EAF2: variants seen among roughly 807,000 people sequenced by gnomAD.
The protein encoded by EAF2 is ELL associated factor 2.
A neutral mutation model predicts 29.4 loss-of-function variants in EAF2; 29 were observed. The observed-to-expected ratio is 0.99, with a 90% CI of 0.73 to 1.35. The LOEUF is 1.35. Among genes scored for constraint, EAF2 ranks in the 40% most tolerant of loss-of-function variants. EAF2 has a pLI of 0.00. For synonymous variants in EAF2, 103 were observed against 102.5 expected, an observed-to-expected ratio of 1.00 and a Z score of -0.03; for missense variants, 292 against 312.0, an observed-to-expected ratio of 0.94 and a Z score of 0.48.
chr3:121,836,227 T>C (rs1708277107), intron 1 of EAF2: 2 of 152,238 alleles, frequency 1.3e-5, no homozygotes, highest in African/African-American at 4.8e-5. Flanking sequence ...ATCACTGAAT[T>C]ATAACTTCTC....
intron 4 of EAF2, among the ~76,000 whole-genome samples, chr3:121,868,273 G>A (rs1049602250): frequency 6.6e-6 from 1 of 152,080 alleles, no homozygotes; most frequent in African/African-American, 2.4e-5. Flanking sequence ...GCACAAACAT[G>A]TGACCATATT....
intron 4 of EAF2, among the ~76,000 whole-genome samples, chr3:121,865,722 C>G (rs954056651): frequency 6.6e-6 from 1 of 152,046 alleles, no homozygotes; most frequent in Non-Finnish European, 1.5e-5. Flanking sequence ...ACTCCCCTAC[C>G]CGGAGACAAC....
chr3:121,873,786 C>T (rs1172067156), intron 5 of EAF2, among the ~76,000 whole-genome samples: 2 of 150,844 alleles, frequency 1.3e-5, no homozygotes, highest in Non-Finnish European at 3.0e-5. Context: ...CAGCCAGAAA[C>T]ACTTTCTTCT....
Position 121,843,982 on chromosome 3 carries a change from A to T in EAF2, c.107-471A>T, listed in dbSNP as rs1208589399. On this transcript the variant is annotated intron_variant, in intron 1 of 5. Transcript: ENST00000273668. The stretch of plus-strand genomic sequence containing the variant: ...GGTAGTAGAATGACAGACAAGTGGT[A>T]GTAGGCACCAAAGGTGCTTTAAAAA... Among the ~76,000 whole-genome samples, 4 of 152,294 alleles carry T rather than the reference A, an allele frequency of 2.6e-5. No individual in the cohort carries two copies. In the South Asian group the frequency reaches 6.2e-4, roughly 24 times the overall value.
At chr3:121,846,941 G>A (rs528403891) in intron 2 of EAF2, among the ~76,000 whole-genome samples, 3 of 152,238 alleles carry the variant, frequency 2.0e-5, no homozygotes, top group African/African-American at 7.2e-5. Flanking sequence ...GTTACAGGAG[G>A]CCTATGTTTT....
At chr3:121,841,126 G>C (rs988694999) in intron 1 of EAF2, among the ~76,000 whole-genome samples, 15 of 152,166 alleles carry the variant, frequency 9.9e-5, no homozygotes, top group Admixed American at 7.2e-4. Flanking sequence ...ATAATAATTA[G>C]ATGTAAATGA....
intron 3 of EAF2, among the ~76,000 whole-genome samples, chr3:121,855,935 G>T (rs1184435141): frequency 6.6e-6 from 1 of 152,128 alleles, no homozygotes; most frequent in Non-Finnish European, 1.5e-5. Context: ...ATTCAGTAGA[G>T]AAACTGAGTA....
chr3:121,871,826 C>G (rs1709019877), intron 4 of EAF2, among the ~76,000 whole-genome samples: 2 of 151,940 alleles, frequency 1.3e-5, no homozygotes, highest in Non-Finnish European at 2.9e-5. Flanking sequence ...TTTGCCTCCA[C>G]TCATAAATAA....
rs545873257 is a variant in EAF2 at position 121,869,157 on chromosome 3, C to T, written c.485-3380C>T. On this transcript the variant is annotated intron_variant, in intron 4 of 5. Coordinates refer to ENST00000273668, the MANE Select transcript of EAF2 (RefSeq NM_018456.6). Reference sequence around the variant, plus strand: ...CATCAAAGGAAATTAAAAATACATGCAGCTAAATGTATTAAGTAAACATAG... The same window carrying T: ...CATCAAAGGAAATTAAAAATACATGTAGCTAAATGTATTAAGTAAACATAG... Among the ~76,000 whole-genome samples, 3 of 152,212 alleles carry T rather than the reference C, an allele frequency of 2.0e-5. No homozygotes were observed. The East Asian group carries it at 5.8e-4, about 29-fold the overall frequency.
At chr3:121,853,386 T>C (rs1288169577) in intron 2 of EAF2, among the ~76,000 whole-genome samples, 1 of 152,212 alleles carries the variant, frequency 6.6e-6, no homozygotes, top group East Asian at 1.9e-4. Flanking sequence ...CTTTTATTCT[T>C]TAAAAGTCCC....
chr3:121,870,727 A>G (rs1167906342), intron 4 of EAF2, among the ~76,000 whole-genome samples: 1 of 152,146 alleles, frequency 6.6e-6, no homozygotes, highest in Non-Finnish European at 1.5e-5. Flanking sequence ...AAGACAAACA[A>G]ATATAAAAAT....
rs57868658 is a variant in EAF2, at chr3:121,841,504, C to CAAA, written c.107-2912_107-2910dup. Among the ~76,000 whole-genome samples, 68 of 25,982 alleles carry CAAA rather than the reference C, an allele frequency of 2.6e-3. 3 individuals are homozygous for CAAA. The highest frequency in any genetic ancestry group is 4.5e-3 in the Non-Finnish European group (57 of 12,746). The allele number at this position is 25,982 out of a possible 152,430, so 17.0% of individuals were successfully genotyped here. The stretch of plus-strand genomic sequence containing the variant: ...TAGGCGGCAGAGGGAGACCCTGTCT[C>CAAA]AAAAAAAAAAAAAAAAAAAAAAAAA... On this transcript the variant is annotated intron_variant, in intron 1 of 5. Transcript: ENST00000273668.
chr3:121,836,736 G>T lies in EAF2; in HGVS notation c.106+1345G>T, dbSNP rs1032056442. On this transcript the variant is annotated intron_variant, in intron 1 of 5. Coordinates refer to ENST00000273668, the MANE Select transcript of EAF2 (RefSeq NM_018456.6). ...GAAGTGTGATATGCGTCTTTATCTG[G>T]TTTTTCCATGCCTTTTTCTCAAATA... 44 of 987,508 alleles carry T rather than the reference G, an allele frequency of 4.5e-5. No homozygotes were observed. The African/African-American group carries it at 7.2e-4, about 16-fold the overall frequency. 61.2% of individuals were successfully genotyped at this position (987,508 alleles called of 1,614,324 possible).
chr3:121,844,351 A>G (rs1246643288), intron 1 of EAF2, 102 bp from the exon 2 acceptor site: 3 of 712,520 alleles, frequency 4.2e-6, no homozygotes, highest in Non-Finnish European at 2.4e-6. Flanking sequence ...TTTTAATTAC[A>G]AAGCTCTTGA....
At chr3:121,864,810 C>G (rs1302564261) in intron 4 of EAF2, among the ~76,000 whole-genome samples, 5 of 151,948 alleles carry the variant, frequency 3.3e-5, no homozygotes, top group Non-Finnish European at 7.4e-5. Context: ...GAGTGAGACT[C>G]TGTCTCAAAA....
chr3:121,838,520 T>C (rs1179838088), intron 1 of EAF2, among the ~76,000 whole-genome samples: 2 of 151,960 alleles, frequency 1.3e-5, no homozygotes, highest in Non-Finnish European at 2.9e-5. Context: ...TAATAAAGAG[T>C]AGAGTTTATT....
intron 3 of EAF2, among the ~76,000 whole-genome samples, chr3:121,856,734 G>T (rs1224936123): frequency 6.6e-6 from 1 of 152,176 alleles, no homozygotes; most frequent in African/African-American, 2.4e-5. Flanking sequence ...TCCCACTTCA[G>T]CCTCCCAATA....
At chr3:121,842,407 A>G (rs1225356298) in intron 1 of EAF2, among the ~76,000 whole-genome samples, 5 of 152,154 alleles carry the variant, frequency 3.3e-5, no homozygotes, top group Admixed American at 6.5e-5. Flanking sequence ...CTTTGTTGAC[A>G]TTGATATATC....
intron 1 of EAF2, among the ~76,000 whole-genome samples, chr3:121,843,124 A>G (rs1406873249): frequency 6.6e-6 from 1 of 152,198 alleles, no homozygotes; most frequent in East Asian, 1.9e-4. Flanking sequence ...ATGTTTATTT[A>G]AGGAATAGAG....
Sources: gnomAD v4.1 joint callset for allele counts (sites outside exome capture counted in the v4.1 genomes callset) on GRCh38, gnomAD v4.1.1 for gene constraint, MANE v1.5 for transcripts, NCBI Gene and HGNC (gene_info 2026-07-23, HGNC 2026-07-21) for gene names.